RABGAP1L: variants seen among roughly 807,000 people sequenced by gnomAD.
The protein encoded by RABGAP1L is RAB GTPase activating protein 1 like, also known as rab GTPase-activating protein 1-like.
A neutral mutation model predicts 137.7 loss-of-function variants in RABGAP1L; 63 were observed. The observed-to-expected ratio is 0.46, with a 90% CI of 0.37 to 0.56. The LOEUF (loss-of-function observed/expected upper bound fraction) is 0.56, where lower values mean the gene tolerates loss of function less well. Among genes scored for constraint, RABGAP1L ranks in the 20% least tolerant of loss-of-function variants. The pLI is 0.00. For missense variants in RABGAP1L, 1,095 were observed against 1,244.0 expected, an observed-to-expected ratio of 0.88 and a Z score of 1.80; for synonymous variants, 431 against 433.7, an observed-to-expected ratio of 0.99 and a Z score of 0.08.
intron 13 of RABGAP1L, among the ~76,000 whole-genome samples, chr1:174,572,450 A>G (rs557900546): frequency 1.4e-4 from 22 of 152,216 alleles, no homozygotes; most frequent in African/African-American, 5.1e-4. Context: ...CAGTGGTACA[A>G]TCTTGGCTCA....
chr1:174,785,051 AT>A (rs1164622248), intron 18 of RABGAP1L, among the ~76,000 whole-genome samples: 1 of 152,020 alleles, frequency 6.6e-6, no homozygotes, highest in Admixed American at 6.6e-5. Context: ...GAGTGATTTT[AT>A]TTTATTTTTT....
At chr1:174,378,683 T>A (rs147174733) in intron 12 of RABGAP1L, among the ~76,000 whole-genome samples, 3,862 of 152,212 alleles carry the variant, frequency 0.025, 65 homozygotes, top group Non-Finnish European at 0.037. Context: ...ATTCTGGATA[T>A]CAGTCCTTTG....
intron 15 of RABGAP1L, among the ~76,000 whole-genome samples, chr1:174,688,656 CAAATGTCCACTACTA>C (rs1320914076): frequency 6.6e-6 from 1 of 151,988 alleles, no homozygotes; most frequent in African/African-American, 2.4e-5. Context: ...TGAAGCAACT[CAAATGTCCACTACTA>C]AAATGTCCAA....
At chr1:174,261,894 A>G (rs757076784) in intron 7 of RABGAP1L, among the ~76,000 whole-genome samples, 3 of 152,176 alleles carry the variant, frequency 2.0e-5, no homozygotes, top group Non-Finnish European at 4.4e-5. Context: ...AGATGTTATA[A>G]TAATTTCTCT....
chr1:174,387,023 T>G (rs1686852864), intron 12 of RABGAP1L, among the ~76,000 whole-genome samples: 1 of 152,190 alleles, frequency 6.6e-6, no homozygotes, highest in Non-Finnish European at 1.5e-5. Context: ...AATGCAAGAT[T>G]TATTACTTGC....
intron 10 of RABGAP1L, 51 bp downstream of exon 10, chr1:174,278,830 A>G (rs759344703): frequency 1.5e-6 from 2 of 1,323,918 alleles, no homozygotes; most frequent in South Asian, 2.1e-5. Flanking sequence ...TTTTCTTTCC[A>G]CACTTCTTTT....
chr1:174,460,053 T>C (rs2149278474), intron 13 of RABGAP1L, among the ~76,000 whole-genome samples: 2 of 152,178 alleles, frequency 1.3e-5, no homozygotes, highest in African/African-American at 2.4e-5. Flanking sequence ...GGATTTCTTA[T>C]AGAGATAATT....
intron 14 of RABGAP1L, among the ~76,000 whole-genome samples, chr1:174,652,670 G>C (rs1675628054): frequency 6.6e-6 from 1 of 152,200 alleles, no homozygotes; most frequent in Non-Finnish European, 1.5e-5. Context: ...TCCTCTGGAG[G>C]CTTTGTCCTA....
At chr1:174,204,852 T>C (rs1411389934) in intron 1 of RABGAP1L, among the ~76,000 whole-genome samples, 2 of 152,178 alleles carry the variant, frequency 1.3e-5, no homozygotes, top group Admixed American at 1.3e-4. Flanking sequence ...TTCCTGCTCC[T>C]CCATGGTAAG....
At chr1:174,441,196 T>G (rs1654098582) in intron 13 of RABGAP1L, among the ~76,000 whole-genome samples, 1 of 151,876 alleles carries the variant, frequency 6.6e-6, no homozygotes, top group Non-Finnish European at 1.5e-5. Flanking sequence ...ATTTTCTGAT[T>G]AGCATTCATC....
chr1:174,410,499 G>A (rs763541461), intron 13 of RABGAP1L, among the ~76,000 whole-genome samples: 42 of 152,122 alleles, frequency 2.8e-4, no homozygotes, highest in Admixed American at 2.0e-4. Context: ...TATTGAATAA[G>A]GAGCCCTTTC....
chr1:174,950,624 G>A (rs984591631), intron 19 of RABGAP1L, among the ~76,000 whole-genome samples: 2 of 152,016 alleles, frequency 1.3e-5, no homozygotes, highest in African/African-American at 4.8e-5. Context: ...ACTCTGACTT[G>A]GAAACTCTCA....
chr1:174,978,690 A>G, intron 22 of RABGAP1L, 117 bp from the exon 23 acceptor site: 2 of 1,159,536 alleles, frequency 1.7e-6, no homozygotes, highest in East Asian at 3.1e-5. Context: ...GATAATTTAT[A>G]TAGTTAACAT....
intron 4 of RABGAP1L, among the ~76,000 whole-genome samples, chr1:174,238,342 G>A (rs370275501): frequency 8.5e-5 from 13 of 152,250 alleles, no homozygotes; most frequent in South Asian, 6.2e-4. Context: ...GAGGAGAGAC[G>A]CTCTGCGTTT....
At chr1:174,807,217 C>G (rs1467647504) in intron 18 of RABGAP1L, among the ~76,000 whole-genome samples, 1 of 152,060 alleles carries the variant, frequency 6.6e-6, no homozygotes, top group African/African-American at 2.4e-5. Flanking sequence ...TTATGTTTAT[C>G]TCTGTAGTCA....
chr1:174,180,662 T>C (rs945688748), intron 1 of RABGAP1L, among the ~76,000 whole-genome samples: 1 of 152,152 alleles, frequency 6.6e-6, no homozygotes, highest in African/African-American at 2.4e-5. Flanking sequence ...AGACAAGATC[T>C]CGCTTTGTTG....
At chr1:174,335,232 GGT>G (rs1435001741) in intron 11 of RABGAP1L, among the ~76,000 whole-genome samples, 2 of 152,180 alleles carry the variant, frequency 1.3e-5, no homozygotes, top group African/African-American at 4.8e-5. Flanking sequence ...TAGAGCTGGA[GGT>G]GGCATAAAAA....
chr1:174,767,129 A>G (rs961579733), intron 18 of RABGAP1L, among the ~76,000 whole-genome samples: 1 of 152,140 alleles, frequency 6.6e-6, no homozygotes, highest in Non-Finnish European at 1.5e-5. Flanking sequence ...GATTTGATTG[A>G]TGTCTCATGT....
intron 14 of RABGAP1L, among the ~76,000 whole-genome samples, chr1:174,652,311 G>T (rs1675583072): frequency 6.6e-6 from 1 of 152,012 alleles, no homozygotes; most frequent in African/African-American, 2.4e-5. Context: ...ACAATTATGT[G>T]TCTTGGAGCT....
Sources: gnomAD v4.1 joint callset for allele counts (sites outside exome capture counted in the v4.1 genomes callset) on GRCh38, gnomAD v4.1.1 for gene constraint, MANE v1.5 for transcripts, NCBI Gene and HGNC (gene_info 2026-07-23, HGNC 2026-07-21) for gene names.